PLA2G4D: variants seen among roughly 807,000 people sequenced by gnomAD.
PLA2G4D encodes the protein phospholipase A2 group IVD, also known as cytosolic phospholipase A2 delta.
In PLA2G4D, 80 loss-of-function variants were observed where a neutral mutation model predicts 94.4. The ratio of observed to expected loss-of-function variants is 0.85; its 90% CI spans 0.71 to 1.02. PLA2G4D has a LOEUF of 1.02. PLA2G4D is among the 50% of genes least tolerant of loss of function. The pLI is 0.00. For missense variants in PLA2G4D, 1,050 were observed against 1,034.7 expected (o/e 1.01, Z -0.20); for synonymous variants, 438 against 440.9 (o/e 0.99, Z 0.08).
At position 42,081,780 on chromosome 15, in the gene PLA2G4D, A is replaced by T; in HGVS notation, c.821+17T>A. 6.2e-7 allele frequency: 1 copy of T among 1,614,088 alleles called. No individual in the cohort carries two copies. The highest frequency in any genetic ancestry group is 8.5e-7 in the Non-Finnish European group (1 of 1,179,996). ...TGCCCGCCTCTCACTGTCCCCACAG[A>T]TGTGAATGTCCCTTACCAGCCCTCT... On this transcript the variant is annotated intron_variant, in intron 10 of 19. Transcript: ENST00000290472.
intron 1 of PLA2G4D, among the ~76,000 whole-genome samples, chr15:42,091,151 T>C (rs1387257652): frequency 6.6e-6 from 1 of 152,202 alleles, no homozygotes; most frequent in Non-Finnish European, 1.5e-5. Context: ...TTACCTACCG[T>C]GTGGGTGGCA....
chr15:42,068,925 G>A lies in PLA2G4D; in HGVS notation c.2247C>T (p.Pro749=), dbSNP rs749913858. The part of the protein sequence containing the change: ...DHSAPGVQRS[P]AELQGGQVDL... ...CCACTTGGCCACCCTGGAGCTCTGC[G>A]GGGCTGCGCTGGACACCTGCCCAGG... The change falls in exon 20 of 20, where the codon CCC becomes CCT. Residue 749 remains proline (P), a synonymous_variant. Transcript: ENST00000290472. 3.3e-4 allele frequency: 539 copies of A among 1,610,928 alleles called. No homozygotes were observed. Among genetic ancestry groups the A allele is most frequent in the Non-Finnish European group, 4.1e-4 (489 of 1,179,462 alleles).
chr15:42,087,805 T>C, intron 1 of PLA2G4D, 105 bp from the exon 2 acceptor site: 1 of 1,202,036 alleles, frequency 8.3e-7, no homozygotes, highest in Non-Finnish European at 1.2e-6. Flanking sequence ...TGGTACTTGG[T>C]GGTGCTGACA....
intron 5 of PLA2G4D, 62 bp from the exon 6 acceptor site, chr15:42,085,200 T>G (rs917901103): frequency 6.3e-5 from 100 of 1,590,242 alleles, no homozygotes; most frequent in Non-Finnish European, 8.6e-5. Flanking sequence ...CTCCCGCCCA[T>G]GTGGGGTCTC....
At position 42,081,579 on chromosome 15, in the gene PLA2G4D, A is replaced by G. The variant is rs769043261; in HGVS notation, c.857T>C (p.Leu286Pro). The G allele has an allele frequency of 3.7e-6, 6 of 1,614,038 alleles. No individual in the cohort carries two copies. The highest frequency in any genetic ancestry group is 5.1e-6 in the Non-Finnish European group (6 of 1,180,024). The change falls in exon 11 of 20, where the codon CTC becomes CCC. Residue 286 changes from leucine to proline, a missense_variant. Transcript: ENST00000290472. Reference sequence around the variant, plus strand: ...CAGGAAGGCCTGCTCCTCTGCACAGAGATTGAAGCCCAGGTGCACGGCCAG... The same window carrying G: ...CAGGAAGGCCTGCTCCTCTGCACAGGGATTGAAGCCCAGGTGCACGGCCAG... ...EELAVHLGFNLCAEEQAFLSR... is the reference protein window; with the variant it reads ...EELAVHLGFNPCAEEQAFLSR...
Position 42,070,075 on chromosome 15 carries a change from C to T in PLA2G4D, c.2064G>A (p.Leu688=). 6.6e-7 allele frequency: 1 copy of T among 1,518,708 alleles called. No homozygotes were observed. The highest frequency in any genetic ancestry group is 1.3e-5 in the South Asian group (1 of 79,220). 94.1% of individuals were successfully genotyped at this position (1,518,708 alleles called of 1,614,324 possible). ...AGGGCAGCCCCCGGGCCCGGCAGTA[C>T]AGCTCCGTCTGCTGCAGTGCCTGGT... ...APFEALQQTE[L]YCRARGLPFP... is the part of the protein sequence containing the mutation. Residue 688 remains leucine (L), a synonymous_variant, in exon 19 of 20, where the codon CTG becomes CTA. Coordinates refer to ENST00000290472, the MANE Select transcript of PLA2G4D (RefSeq NM_178034.4).
rs866210982 is a variant in PLA2G4D at position 42,081,700 on chromosome 15, A to G, written c.822-86T>C. The G allele has an allele frequency of 3.1e-6, 5 of 1,611,154 alleles. No homozygotes were observed. In the Middle Eastern group the frequency reaches 4.9e-4, roughly 159 times the overall value. On this transcript the variant is annotated intron_variant, in intron 10 of 19. Transcript: ENST00000290472. ...CAAGCCCACAATGAGCTGCCAAAGAAGCCCTCTCCTCCAATCTCAAGGACC... is the reference window on the plus strand; with the variant it reads ...CAAGCCCACAATGAGCTGCCAAAGAGGCCCTCTCCTCCAATCTCAAGGACC...
At chr15:42,073,560 C>G (rs571787099) in intron 13 of PLA2G4D, among the ~76,000 whole-genome samples, 13 of 152,352 alleles carry the variant, frequency 8.5e-5, no homozygotes, top group African/African-American at 3.1e-4. Flanking sequence ...AATACGTCAT[C>G]CTTCCTTTGG....
At chr15:42,092,671 G>A (rs1239741492) in intron 1 of PLA2G4D, among the ~76,000 whole-genome samples, 3 of 152,088 alleles carry the variant, frequency 2.0e-5, no homozygotes, top group African/African-American at 7.2e-5. Context: ...TCCCTGCTGA[G>A]GGTCTCAGCC....
intron 12 of PLA2G4D, 112 bp from the exon 13 acceptor site, chr15:42,079,871 C>A: frequency 2.1e-6 from 2 of 967,158 alleles, no homozygotes. Flanking sequence ...GCCACCAAGG[C>A]TCTGCCGATC....
chr15:42,091,557 G>T (rs565813843), intron 1 of PLA2G4D, among the ~76,000 whole-genome samples: 1 of 150,502 alleles, frequency 6.6e-6, no homozygotes, highest in South Asian at 2.1e-4. Flanking sequence ...AAAAACATCT[G>T]CTACTTAGCA....
At chr15:42,087,561 G>C in intron 2 of PLA2G4D, 67 bp downstream of exon 2, 1 of 1,608,304 alleles carries the variant, frequency 6.2e-7, no homozygotes, top group Non-Finnish European at 8.5e-7. Context: ...CAGGGCACTC[G>C]TCTTGGCCCT....
At chr15:42,091,354 A>T (rs1440870339) in intron 1 of PLA2G4D, among the ~76,000 whole-genome samples, 3 of 152,220 alleles carry the variant, frequency 2.0e-5, no homozygotes, top group Non-Finnish European at 4.4e-5. Flanking sequence ...ATAACCTAGG[A>T]AAAACCAGGC....
chr15:42,079,575 G>C lies in PLA2G4D; in HGVS notation c.1279C>G (p.Leu427Val). 6.2e-7 allele frequency: 1 copy of C among 1,607,434 alleles called. No individual in the cohort carries two copies. The highest frequency in any genetic ancestry group is 8.5e-7 in the Non-Finnish European group (1 of 1,178,458). ...ATGGACTCCAGCACTAGCGCCCACAGGTCCACAAAGGTCGTGGGGTGGCCC... is the reference window on the plus strand; with the variant it reads ...ATGGACTCCAGCACTAGCGCCCACACGTCCACAAAGGTCGTGGGGTGGCCC... ...EQGHPTTFVD[L>V]WALVLESMLH... is the part of the protein sequence containing the mutation. The change falls in exon 13 of 20, where the codon CTG (leucine) becomes GTG (valine). Residue 427 changes from leucine (L) to valine (V), a missense_variant. Transcript: ENST00000290472.
At position 42,083,076 on chromosome 15, in the gene PLA2G4D, G is replaced by A. The variant is rs747422427; in HGVS notation, c.672+122C>T. ...CTGCCAAGAGTGAGGTGCCTAACTA[G>A]GGGAGGCTGACAAGGCCACAGGGGC... is the stretch of plus-strand genomic sequence containing the variant. On this transcript the variant is annotated intron_variant, in intron 8 of 19. Transcript: ENST00000290472. 2.5e-4 allele frequency: 333 copies of A among 1,336,380 alleles called. 1 individual carries two copies. The highest frequency in any genetic ancestry group is 3.1e-4 in the Non-Finnish European group (308 of 988,626). 82.8% of individuals were successfully genotyped at this position (1,336,380 alleles called of 1,614,324 possible).
chr15:42,083,309 C>T lies in PLA2G4D; in HGVS notation c.561G>A (p.Leu187=), dbSNP rs556646644. The part of the protein sequence containing the change: ...VADQDKLELE[L]VLKGSYEDTQ... ...TGTCCTCATAGGACCCCTTCAGCACCAGCTCCAGCTCCAGCTTGTCCTGAT... is the reference window on the plus strand; with the variant it reads ...TGTCCTCATAGGACCCCTTCAGCACTAGCTCCAGCTCCAGCTTGTCCTGAT... Residue 187 remains leucine, a synonymous_variant, in exon 8 of 20, where the codon CTG becomes CTA. Coordinates refer to ENST00000290472, the MANE Select transcript of PLA2G4D (RefSeq NM_178034.4). 8.1e-6 allele frequency: 13 copies of T among 1,613,700 alleles called. No individual in the cohort carries two copies. The highest frequency in any genetic ancestry group is 1.1e-5 in the Non-Finnish European group (13 of 1,179,856).
intron 1 of PLA2G4D, among the ~76,000 whole-genome samples, chr15:42,092,028 G>A (rs1329219370): frequency 6.6e-6 from 1 of 152,176 alleles, no homozygotes; most frequent in Non-Finnish European, 1.5e-5. Context: ...CCGCGCATTG[G>A]TGGCAGTGGT....
In PLA2G4D at chr15:42,072,390, C is replaced by T. The variant is rs753515775; in HGVS notation, c.1320G>A (p.Val440=). The T allele has an allele frequency of 5.0e-6, 8 of 1,612,166 alleles. No homozygotes were observed. Among genetic ancestry groups the T allele is most frequent in the Middle Eastern group, 4.0e-4 (2 of 5,002 alleles). The stretch of plus-strand genomic sequence containing the variant: ...TCTGTCCTGACAGCTTCTGATCCAT[C>T]ACCTGGGGCCAGAGGGCATCAGGGC... ...LVLESMLHGQ[V]MDQKLSGQRA... Residue 440 remains valine (V), a splice_region_variant and synonymous_variant, in exon 14 of 20, where the codon GTG becomes GTA. Transcript: ENST00000290472.
chr15:42,076,049 G>C (rs1889917235), intron 13 of PLA2G4D, among the ~76,000 whole-genome samples: 1 of 152,134 alleles, frequency 6.6e-6, no homozygotes, highest in Non-Finnish European at 1.5e-5. Context: ...CAGATACCAA[G>C]ATTTATCACA....
Sources: gnomAD v4.1 joint callset for allele counts (sites outside exome capture counted in the v4.1 genomes callset) on GRCh38, gnomAD v4.1.1 for gene constraint, MANE v1.5 for transcripts, NCBI Gene and HGNC (gene_info 2026-07-23, HGNC 2026-07-21) for gene names.